SPACA7: variants seen among roughly 807,000 people sequenced by gnomAD.
SPACA7 encodes the protein sperm acrosome associated 7, also known as sperm acrosome-associated protein 7.
A neutral mutation model predicts 26.3 loss-of-function variants in SPACA7; 19 were observed. The observed-to-expected ratio is 0.72, with a 90% CI of 0.50 to 1.06. The LOEUF (loss-of-function observed/expected upper bound fraction) is 1.06, where lower values mean the gene tolerates loss of function less well. Ranked by LOEUF, SPACA7 falls within the 50% of genes least tolerant of loss-of-function variation. The probability of loss-of-function intolerance (pLI) is 0.00; values close to 1 mark genes in which losing one functional copy is unlikely to be tolerated. For missense variants in SPACA7, 211 were observed against 229.9 expected (o/e 0.92, Z 0.53); for synonymous variants, 84 against 84.5 (o/e 0.99, Z 0.04).
chr13:112,430,818 G>A (rs1271329102), intron 5 of SPACA7, among the ~76,000 whole-genome samples: 1 of 152,196 alleles, frequency 6.6e-6, no homozygotes, highest in Non-Finnish European at 1.5e-5. Flanking sequence ...CCAAGGGCTA[G>A]AGATTACAAA....
chr13:112,394,251 G>T (rs1388092728), intron 2 of SPACA7, among the ~76,000 whole-genome samples: 1 of 152,072 alleles, frequency 6.6e-6, no homozygotes, highest in African/African-American at 2.4e-5. Context: ...CCAGAATGCT[G>T]GGACTCAGAG....
At chr13:112,396,686 A>G (rs573501546) in intron 2 of SPACA7, among the ~76,000 whole-genome samples, 17 of 152,354 alleles carry the variant, frequency 1.1e-4, no homozygotes, top group East Asian at 9.6e-4. Context: ...GCTTCTGTCC[A>G]ATCACTGGCC....
intron 5 of SPACA7, among the ~76,000 whole-genome samples, chr13:112,404,713 G>T (rs1366049644): frequency 6.6e-6 from 1 of 152,196 alleles, no homozygotes; most frequent in East Asian, 1.9e-4. Context: ...CTTTGTTGAA[G>T]ATCAGTTGGC....
intron 5 of SPACA7, among the ~76,000 whole-genome samples, chr13:112,415,284 G>A (rs1442574082): frequency 1.3e-5 from 2 of 152,194 alleles, no homozygotes; most frequent in African/African-American, 2.4e-5. Flanking sequence ...AAGTCCCACA[G>A]CTGCCCAGAC....
intron 5 of SPACA7, among the ~76,000 whole-genome samples, chr13:112,421,137 G>A (rs1875926721): frequency 6.8e-6 from 1 of 147,624 alleles, no homozygotes; most frequent in Middle Eastern, 3.7e-3. Flanking sequence ...TAAAAATGAA[G>A]TAAATATGAA....
chr13:112,388,051 T>C (rs902084893), intron 1 of SPACA7, among the ~76,000 whole-genome samples: 1 of 152,120 alleles, frequency 6.6e-6, no homozygotes, highest in Non-Finnish European at 1.5e-5. Context: ...TCATCAAATG[T>C]GACCAGACAA....
chr13:112,377,281 G>A (rs1238470109), intron 1 of SPACA7, among the ~76,000 whole-genome samples: 2 of 152,188 alleles, frequency 1.3e-5, no homozygotes, highest in African/African-American at 4.8e-5. Context: ...CCATACAATT[G>A]TTTGCATAAG....
At chr13:112,403,761 T>C (rs1885796267) in intron 5 of SPACA7, among the ~76,000 whole-genome samples, 1 of 152,256 alleles carries the variant, frequency 6.6e-6, no homozygotes, top group African/African-American at 2.4e-5. Flanking sequence ...ATTTCATTTC[T>C]TTTTATACCT....
intron 2 of SPACA7, among the ~76,000 whole-genome samples, chr13:112,395,403 C>T (rs547652760): frequency 6.6e-6 from 1 of 152,308 alleles, no homozygotes; most frequent in African/African-American, 2.4e-5. Context: ...TGACTTCCTG[C>T]AGGTCTTACT....
intron 6 of SPACA7, among the ~76,000 whole-genome samples, chr13:112,434,232 A>G (rs994231956): frequency 6.6e-6 from 1 of 152,092 alleles, no homozygotes; most frequent in Non-Finnish European, 1.5e-5. Flanking sequence ...GGAGTTGTCG[A>G]TGGGTTTTGA....
intron 6 of SPACA7, 104 bp from the exon 7 acceptor site, chr13:112,434,381 A>G (rs1877526815): frequency 2.1e-6 from 2 of 940,214 alleles, no homozygotes; most frequent in Admixed American, 4.1e-5. Flanking sequence ...TCCACAACTG[A>G]GGGCTTGGTT....
rs1885263621 is a variant in SPACA7 at position 112,396,473 on chromosome 13, C to T, written c.152-1576C>T. Among the ~76,000 whole-genome samples, 2 of 152,206 alleles carry T rather than the reference C, an allele frequency of 1.3e-5. 1 individual carries two copies. The highest frequency in any genetic ancestry group is 2.9e-5 in the Non-Finnish European group (2 of 68,044). ...CCTGGTCACGGCTGTAGAATGCTGC[C>T]TCCTGGACATGGCTGGCTGGAATGG... is the stretch of plus-strand genomic sequence containing the variant. On this transcript the variant is annotated intron_variant, in intron 2 of 6. Coordinates refer to ENST00000283550, the MANE Select transcript of SPACA7 (RefSeq NM_145248.5).
At chr13:112,395,710 T>A (rs1594266738) in intron 2 of SPACA7, among the ~76,000 whole-genome samples, 1 of 152,312 alleles carries the variant, frequency 6.6e-6, no homozygotes, top group East Asian at 1.9e-4. Flanking sequence ...CCTCAGGTGA[T>A]CTGCCCACCT....
chr13:112,429,386 A>G (rs573921302), intron 5 of SPACA7, among the ~76,000 whole-genome samples: 8 of 152,174 alleles, frequency 5.3e-5, no homozygotes, highest in South Asian at 4.2e-4. Context: ...AAAAAAAAAA[A>G]AAAGAAAGAA....
chr13:112,407,321 A>C (rs1240088158), intron 5 of SPACA7, among the ~76,000 whole-genome samples: 1 of 152,238 alleles, frequency 6.6e-6, no homozygotes, highest in Non-Finnish European at 1.5e-5. Flanking sequence ...GAGAAGCAAG[A>C]GCAAACACAT....
In SPACA7 at chr13:112,401,129, T is replaced by C; in HGVS notation, c.410T>C (p.Val137Ala). ...TCTGAGAATTATCGTGGGCCACAGG[T>C]GTCTCCTGGCAGTGAGAAGAGTGTT... is the stretch of plus-strand genomic sequence containing the variant. ...DPSENYRGPQ[V>A]SPGSEKSVSS... Residue 137 changes from valine to alanine, a missense_variant, in exon 5 of 7, where the codon GTG becomes GCG. Coordinates refer to ENST00000283550, the MANE Select transcript of SPACA7 (RefSeq NM_145248.5). 6.2e-7 allele frequency: 1 copy of C among 1,614,136 alleles called. No individual in the cohort carries two copies. The highest frequency in any genetic ancestry group is 1.7e-5 in the Admixed American group (1 of 60,006).
At chr13:112,430,465 G>A (rs1400788088) in intron 5 of SPACA7, among the ~76,000 whole-genome samples, 1 of 152,108 alleles carries the variant, frequency 6.6e-6, no homozygotes, top group African/African-American at 2.4e-5. Context: ...AAATTGGGAG[G>A]ATAAATCTAA....
intron 5 of SPACA7, among the ~76,000 whole-genome samples, chr13:112,409,374 T>C (rs1359441533): frequency 6.6e-6 from 1 of 152,164 alleles, no homozygotes; most frequent in Admixed American, 6.5e-5. Flanking sequence ...TGGGATCTAA[T>C]TAAACTAAAG....
At chr13:112,391,880 C>T (rs1342407169) in intron 1 of SPACA7, among the ~76,000 whole-genome samples, 4 of 152,226 alleles carry the variant, frequency 2.6e-5, no homozygotes, top group African/African-American at 9.6e-5. Context: ...GGTCAGCATA[C>T]TGGGAAGCAA....
Sources: gnomAD v4.1 joint callset for allele counts (sites outside exome capture counted in the v4.1 genomes callset) on GRCh38, gnomAD v4.1.1 for gene constraint, MANE v1.5 for transcripts, NCBI Gene and HGNC (gene_info 2026-07-23, HGNC 2026-07-21) for gene names.